RBFOX1: variants seen among roughly 807,000 people sequenced by gnomAD.
The protein encoded by RBFOX1 is RNA binding fox-1 homolog 1, also known as RNA binding protein fox-1 homolog 1.
A neutral mutation model predicts 57.7 loss-of-function variants in RBFOX1; 8 were observed. That is an observed-to-expected ratio of 0.14 (90% CI 0.08 to 0.25). The LOEUF (loss-of-function observed/expected upper bound fraction) is 0.25, where lower values mean the gene tolerates loss of function less well. RBFOX1 is among the 10% of genes least tolerant of loss of function. The pLI, the probability that RBFOX1 is intolerant of heterozygous loss-of-function variation, is 1.00. For synonymous variants in RBFOX1, 326 were observed against 222.4 expected (o/e 1.47, Z -4.15); for missense variants, 611 against 548.5 (o/e 1.11, Z -1.14).
In RBFOX1 at chr16:7,437,146, G is replaced by C. The variant is rs80191456; in HGVS notation, c.28-81001G>C. Reference sequence around the variant, plus strand: ...TCACAGGGCTCTCTGATTTGCCATAGGATCGTTTAATCTGTTTTATGATAC... The same window carrying C: ...TCACAGGGCTCTCTGATTTGCCATACGATCGTTTAATCTGTTTTATGATAC... On this transcript the variant is annotated intron_variant, in intron 4 of 15. Coordinates refer to ENST00000550418, the MANE Select transcript of RBFOX1 (RefSeq NM_018723.4). 4.1e-3 allele frequency among the ~76,000 whole-genome samples: 626 copies of C among 152,100 alleles called. 10 individuals are homozygous for C. The highest frequency in any genetic ancestry group is 0.014 in the African/African-American group (598 of 41,476).
rs2095256439 is a variant in RBFOX1 at position 7,605,693 on chromosome 16, C to A, written c.623-1592C>A. Among the ~76,000 whole-genome samples the A allele has an allele frequency of 3.3e-5, 5 of 152,170 alleles. No homozygotes were observed. The South Asian group carries it at 1.0e-3, about 31-fold the overall frequency. On this transcript the variant is annotated intron_variant, in intron 9 of 15. Transcript: ENST00000550418. ...TCTTCTCGGCAAACCTCAGAAAGTT[C>A]TTACTGTCAAAAATACCTTCCTTCA...
rs961371134 is a variant in RBFOX1 at position 6,105,997 on chromosome 16, CT to C, written c.-127+86015del. The stretch of plus-strand genomic sequence containing the variant: ...CTCTTTACACTAATATTGCTTTAGT[CT>C]TTTTTTTTTCCATCCTAGTTAAAAG... On this transcript the variant is annotated intron_variant, in intron 1 of 15. Coordinates refer to ENST00000550418, the MANE Select transcript of RBFOX1 (RefSeq NM_018723.4). Among the ~76,000 whole-genome samples, 363 of 149,500 alleles carry C rather than the reference CT, an allele frequency of 2.4e-3. 2 individuals carry two copies. The highest frequency in any genetic ancestry group is 7.2e-3 in the African/African-American group (295 of 40,800).
chr16:7,503,484 G>A (rs976532260), intron 4 of RBFOX1, among the ~76,000 whole-genome samples: 4 of 152,114 alleles, frequency 2.6e-5, no homozygotes, highest in East Asian at 3.9e-4. Flanking sequence ...GTATTTAAGG[G>A]GACAGAATCC....
chr16:5,251,321 GA>G (rs1463300075), intron 1 of RBFOX1, among the ~76,000 whole-genome samples: 2 of 152,262 alleles, frequency 1.3e-5, no homozygotes, highest in African/African-American at 4.8e-5. Flanking sequence ...GAGCTGCCAT[GA>G]GGGTTCAGTG....
intron 4 of RBFOX1, among the ~76,000 whole-genome samples, chr16:7,203,994 T>G (rs1230077341): frequency 1.3e-5 from 2 of 152,250 alleles, no homozygotes; most frequent in African/African-American, 4.8e-5. Context: ...TCACTTACGT[T>G]ATATTTTAAG....
At chr16:6,967,715 A>C (rs1030921020) in intron 3 of RBFOX1, among the ~76,000 whole-genome samples, 1 of 152,034 alleles carries the variant, frequency 6.6e-6, no homozygotes, top group Admixed American at 6.6e-5. Context: ...TCCTTGGTCA[A>C]ATGGGTCTTC....
At chr16:7,456,027 G>A (rs1028048527) in intron 4 of RBFOX1, among the ~76,000 whole-genome samples, 3 of 152,088 alleles carry the variant, frequency 2.0e-5, no homozygotes, top group African/African-American at 4.8e-5. Context: ...GCATGGTCAT[G>A]CAGGGCCCCA....
intron 4 of RBFOX1, among the ~76,000 whole-genome samples, chr16:7,515,877 C>T (rs559887921): frequency 1.3e-5 from 2 of 152,204 alleles, no homozygotes; most frequent in African/African-American, 2.4e-5. Flanking sequence ...CGGAATCTTG[C>T]TCTGTGGCCC....
At chr16:7,292,305 ATATG>A (rs2141619476) in intron 4 of RBFOX1, among the ~76,000 whole-genome samples, 1 of 128,326 alleles carries the variant, frequency 7.8e-6, no homozygotes, top group South Asian at 2.4e-4. Context: ...GATATATGAT[ATATG>A]ACGTATTATA....
intron 2 of RBFOX1, among the ~76,000 whole-genome samples, chr16:6,450,786 T>TAC (rs2094581545): frequency 1.9e-5 from 1 of 53,776 alleles, no homozygotes; most frequent in African/African-American, 9.7e-5. Flanking sequence ...TATATATATA[T>TAC]ATACATATAT....
At chr16:6,388,392 C>G (rs184396422) in intron 2 of RBFOX1, among the ~76,000 whole-genome samples, 1 of 152,006 alleles carries the variant, frequency 6.6e-6, no homozygotes, top group Non-Finnish European at 1.5e-5. Flanking sequence ...TGAAGAAGAG[C>G]AGAAAGAAAG....
chr16:7,134,864 G>T (rs2071479503), intron 4 of RBFOX1, among the ~76,000 whole-genome samples: 1 of 151,784 alleles, frequency 6.6e-6, no homozygotes, highest in Admixed American at 6.6e-5. Context: ...TATGTCAGTG[G>T]ACCTGTTAAA....
At chr16:5,401,202 C>T (rs914366385) in intron 1 of RBFOX1, among the ~76,000 whole-genome samples, 1 of 152,070 alleles carries the variant, frequency 6.6e-6, no homozygotes, top group South Asian at 2.1e-4. Context: ...TTTTTATAGT[C>T]AGTTTTTACT....
At chr16:5,694,678 T>C (rs2050794266) in intron 3 of RBFOX1, among the ~76,000 whole-genome samples, 1 of 151,950 alleles carries the variant, frequency 6.6e-6, no homozygotes, top group Non-Finnish European at 1.5e-5. Context: ...AAATGATACC[T>C]CTTAGGGAGA....
At chr16:7,558,942 C>A (rs1320195662) in intron 5 of RBFOX1, among the ~76,000 whole-genome samples, 2 of 152,190 alleles carry the variant, frequency 1.3e-5, no homozygotes, top group Non-Finnish European at 2.9e-5. Context: ...CCCACTGTTA[C>A]TCTTTTGAAG....
intron 2 of RBFOX1, among the ~76,000 whole-genome samples, chr16:5,480,272 C>T (rs548989612): frequency 1.3e-5 from 2 of 152,180 alleles, no homozygotes; most frequent in Non-Finnish European, 2.9e-5. Flanking sequence ...GGGGGATTTT[C>T]TCCTAATCTC....
intron 4 of RBFOX1, among the ~76,000 whole-genome samples, chr16:7,315,135 A>G (rs1405261076): frequency 6.6e-6 from 1 of 150,940 alleles, no homozygotes; most frequent in Non-Finnish European, 1.5e-5. Context: ...GTGTTTTCTT[A>G]ATTATGTCAT....
chr16:7,174,271 A>G (rs1163779043), intron 4 of RBFOX1, among the ~76,000 whole-genome samples: 2 of 152,140 alleles, frequency 1.3e-5, no homozygotes, highest in Admixed American at 6.5e-5. Context: ...TTATTGAGTA[A>G]TATTCCATGG....
chr16:6,249,556 G>T (rs893032476), intron 1 of RBFOX1, among the ~76,000 whole-genome samples: 2 of 152,010 alleles, frequency 1.3e-5, no homozygotes, highest in African/African-American at 4.8e-5. Flanking sequence ...ACAAAAACCA[G>T]AGGAGAGACT....
Sources: allele counts gnomAD v4.1 joint callset (sites outside exome capture counted in the v4.1 genomes callset), GRCh38; gene constraint gnomAD v4.1.1; transcripts MANE v1.5; gene names NCBI Gene and HGNC (gene_info 2026-07-23, HGNC 2026-07-21).